Variants in SGCZ observed in about 807,000 individuals in gnomAD.
The protein encoded by SGCZ is sarcoglycan zeta, also known as zeta-sarcoglycan.
Under a neutral mutation model 41.3 loss-of-function variants are expected in SGCZ, and 40 were observed. That is an observed-to-expected ratio of 0.97 (90% CI 0.75 to 1.26). The LOEUF is 1.26. Among genes scored for constraint, SGCZ ranks in the 50% most tolerant of loss-of-function variants. SGCZ has a pLI of 0.00. For synonymous variants in SGCZ, 206 were observed against 137.5 expected, an observed-to-expected ratio of 1.50 and a Z score of -3.49; for missense variants, 552 against 369.8, an observed-to-expected ratio of 1.49 and a Z score of -4.04.
chr8:14,261,506 G>A (rs1427024), intron 3 of SGCZ, among the ~76,000 whole-genome samples: 58,232 of 151,968 alleles, frequency 0.38, 12,563 homozygotes, highest in Non-Finnish European at 0.5. Flanking sequence ...CACTCCCTTT[G>A]AAAGTTTTGC....
At chr8:14,838,713 G>C (rs1205267187) in intron 1 of SGCZ, among the ~76,000 whole-genome samples, 1 of 152,106 alleles carries the variant, frequency 6.6e-6, no homozygotes, top group African/African-American at 2.4e-5. Flanking sequence ...GGCTTGGTGT[G>C]CCATGACTCC....
At chr8:14,491,637 AGT>A (rs1484652751) in intron 2 of SGCZ, among the ~76,000 whole-genome samples, 4 of 152,194 alleles carry the variant, frequency 2.6e-5, no homozygotes, top group African/African-American at 9.6e-5. Flanking sequence ...GCTTGCTTGT[AGT>A]ATACATTTTT....
At chr8:14,673,532 G>C (rs767201760) in intron 1 of SGCZ, among the ~76,000 whole-genome samples, 2 of 151,828 alleles carry the variant, frequency 1.3e-5, no homozygotes, top group East Asian at 1.9e-4. Flanking sequence ...CGCCATGATT[G>C]TAAGTTTCCT....
intron 1 of SGCZ, among the ~76,000 whole-genome samples, chr8:15,078,806 G>C (rs554032684): frequency 1.6e-3 from 236 of 151,730 alleles, no homozygotes; most frequent in Non-Finnish European, 2.6e-3. Context: ...TGAGAATTTA[G>C]GTTCATTTTT....
chr8:14,188,797 GTTTT>G (rs765052122), intron 4 of SGCZ, among the ~76,000 whole-genome samples: 5 of 134,200 alleles, frequency 3.7e-5, no homozygotes, highest in African/African-American at 5.4e-5. Context: ...CAGATTTCTT[GTTTT>G]TTTTTTGTTT....
chr8:14,914,108 A>G (rs1482714481), intron 1 of SGCZ, among the ~76,000 whole-genome samples: 3 of 151,996 alleles, frequency 2.0e-5, no homozygotes, highest in Non-Finnish European at 2.9e-5. Context: ...ATTACTCAGA[A>G]ATAAACACTT....
At chr8:14,938,837 A>T (rs4322009) in intron 1 of SGCZ, among the ~76,000 whole-genome samples, 150,174 of 152,144 alleles carry the variant, frequency 0.99, 74,148 homozygotes, top group Middle Eastern at 1. Flanking sequence ...CATCTTTACA[A>T]GTTCATTACA....
At chr8:14,152,220 C>T (rs1322018801) in intron 5 of SGCZ, among the ~76,000 whole-genome samples, 1 of 151,288 alleles carries the variant, frequency 6.6e-6, no homozygotes, top group Non-Finnish European at 1.5e-5. Context: ...ATGGAAAGAA[C>T]CTCAAAACCA....
chr8:14,359,571 G>C (rs969600893), intron 2 of SGCZ, among the ~76,000 whole-genome samples: 1 of 151,704 alleles, frequency 6.6e-6, no homozygotes, highest in Non-Finnish European at 1.5e-5. Flanking sequence ...TAAATATCAA[G>C]ATAAATTTTG....
chr8:14,990,379 G>C (rs1262611265), intron 1 of SGCZ, among the ~76,000 whole-genome samples: 2 of 131,436 alleles, frequency 1.5e-5, no homozygotes, highest in African/African-American at 2.6e-5. Flanking sequence ...CATAGGAGCT[G>C]AGTGGCAAGC....
At chr8:15,014,682 G>A (rs1249020407) in intron 1 of SGCZ, among the ~76,000 whole-genome samples, 1 of 152,152 alleles carries the variant, frequency 6.6e-6, no homozygotes, top group Non-Finnish European at 1.5e-5. Flanking sequence ...CATATGGCTA[G>A]TCCTTCAGTG....
chr8:15,235,309 A>G (rs955365344), intron 1 of SGCZ, among the ~76,000 whole-genome samples: 1 of 152,240 alleles, frequency 6.6e-6, no homozygotes, highest in Non-Finnish European at 1.5e-5. Flanking sequence ...AACTGCCAAC[A>G]TAAATTTATT....
intron 1 of SGCZ, among the ~76,000 whole-genome samples, chr8:15,179,117 G>A (rs1200846947): frequency 2.0e-5 from 3 of 152,036 alleles, no homozygotes; most frequent in Non-Finnish European, 4.4e-5. Context: ...AAAGAAATAA[G>A]ACTAAAATAG....
At chr8:14,305,387 T>C (rs1440785516) in intron 3 of SGCZ, among the ~76,000 whole-genome samples, 1 of 152,140 alleles carries the variant, frequency 6.6e-6, no homozygotes, top group East Asian at 1.9e-4. Context: ...GGCATCAATG[T>C]CCCTAAACCA....
chr8:14,593,215 G>T (rs1181715909), intron 1 of SGCZ, among the ~76,000 whole-genome samples: 2 of 152,122 alleles, frequency 1.3e-5, no homozygotes, highest in Non-Finnish European at 2.9e-5. Context: ...TCATCACAAA[G>T]CTCCGTTGTA....
intron 2 of SGCZ, among the ~76,000 whole-genome samples, chr8:14,376,181 G>T (rs1373333799): frequency 6.7e-6 from 1 of 149,372 alleles, no homozygotes; most frequent in Non-Finnish European, 1.5e-5. Flanking sequence ...CATGGTGGCG[G>T]CCGCCTGTAG....
intron 1 of SGCZ, among the ~76,000 whole-genome samples, chr8:14,629,366 CTAAATAAT>C (rs1806570800): frequency 1.5e-5 from 1 of 64,912 alleles, no homozygotes; most frequent in Non-Finnish European, 3.5e-5. Flanking sequence ...AATACATTAT[CTAAATAAT>C]GTAAAAATAA....
chr8:14,954,364 C>G (rs530030811), intron 1 of SGCZ, among the ~76,000 whole-genome samples: 187 of 152,256 alleles, frequency 1.2e-3, no homozygotes, highest in African/African-American at 4.3e-3. Flanking sequence ...TATCTGCCTT[C>G]ACATCCACCT....
intron 1 of SGCZ, among the ~76,000 whole-genome samples, chr8:14,714,531 C>A (rs1014651293): frequency 1.2e-4 from 19 of 152,074 alleles, no homozygotes; most frequent in African/African-American, 4.3e-4. Context: ...AACACATTTT[C>A]TAAAACATTG....
Sources: allele counts gnomAD v4.1 joint callset (sites outside exome capture counted in the v4.1 genomes callset), GRCh38; gene constraint gnomAD v4.1.1; transcripts MANE v1.5; gene names NCBI Gene and HGNC (gene_info 2026-07-23, HGNC 2026-07-21).